The following HDC variants were observed in gnomAD, a reference collection of about 807,000 sequenced individuals.
HDC encodes the protein histidine decarboxylase.
A neutral mutation model predicts 64.4 loss-of-function variants in HDC; 27 were observed. That is an observed-to-expected ratio of 0.42 (90% CI 0.31 to 0.58). The LOEUF (loss-of-function observed/expected upper bound fraction) is 0.58. Ranked by LOEUF, HDC falls within the 20% of genes least tolerant of loss-of-function variation. HDC has a pLI of 0.16. For missense variants in HDC, 711 were observed against 833.9 expected, an observed-to-expected ratio of 0.85 and a Z score of 1.81; for synonymous variants, 305 against 314.2, an observed-to-expected ratio of 0.97 and a Z score of 0.31.
intron 1 of HDC, 53 bp from the exon 2 acceptor site, chr15:50,263,460 AT>A: frequency 6.4e-7 from 1 of 1,552,068 alleles, no homozygotes; most frequent in Non-Finnish European, 8.9e-7. Context: ...GGCCTGACCG[AT>A]TTGTGCCCAT....
chr15:50,254,867 C>T (rs2045611185), intron 4 of HDC, among the ~76,000 whole-genome samples: 1 of 152,016 alleles, frequency 6.6e-6, no homozygotes, highest in African/African-American at 2.4e-5. Flanking sequence ...CATGTCCCTC[C>T]CCAACTTTCA....
intron 9 of HDC, among the ~76,000 whole-genome samples, chr15:50,250,951 A>G (rs567267806): frequency 1.3e-5 from 2 of 152,348 alleles, no homozygotes; most frequent in South Asian, 4.1e-4. Context: ...TCAAGTGATG[A>G]CGAAGCTATT....
chr15:50,244,122 G>A (rs556206812), intron 10 of HDC, among the ~76,000 whole-genome samples: 2 of 152,070 alleles, frequency 1.3e-5, no homozygotes, highest in East Asian at 3.9e-4. Context: ...TTTAACCCAG[G>A]ATTACTAACT....
chr15:50,248,332 G>C lies in HDC; in HGVS notation c.1053C>G (p.Ile351Met). 1 of 1,613,370 alleles carries C rather than the reference G, an allele frequency of 6.2e-7. No individual in the cohort carries two copies. Among genetic ancestry groups the C allele is most frequent in the Middle Eastern group, 1.7e-4 (1 of 6,060 alleles). ...GVATDFMHWQ[I>M]PLSRRFRSVK... ...CAGAGCGAAACCGTCGGCTCAGGGG[G>C]ATCTGCCAGTGCTAGAAACAAAGGA... The change falls in exon 10 of 12, where the codon ATC (isoleucine) becomes ATG (methionine). Residue 351 changes from isoleucine (I) to methionine (M), a missense_variant. By Grantham distance (10) the Ile-to-Met change is conservative. Transcript: ENST00000267845. The surrounding 1 kb of genome is among the most constrained non-coding windows in gnomAD (Gnocchi z 4.3).
intron 1 of HDC, 66 bp from the exon 2 acceptor site, chr15:50,263,473 C>T: frequency 6.7e-7 from 1 of 1,481,958 alleles, no homozygotes; most frequent in South Asian, 1.2e-5. Flanking sequence ...TGTGCCCATC[C>T]CTCTCAGGTC....
In HDC at chr15:50,248,447, G is replaced by GGC; in HGVS notation, c.1042-105_1042-104insGC. The stretch of plus-strand genomic sequence containing the variant: ...TTGCCTGCCCAGCCCTCCAGGGATG[G>GGC]ACGATGTCACCATGACTCTGGGAGC... On this transcript the variant is annotated intron_variant, in intron 9 of 11. Transcript: ENST00000267845. This position sits in a 1 kb window ranked among gnomAD's most constrained non-coding sequence, Gnocchi z 4.3. 1 of 781,518 alleles carries GGC rather than the reference G, an allele frequency of 1.3e-6. No homozygotes were observed. The highest frequency in any genetic ancestry group is 2.2e-6 in the Non-Finnish European group (1 of 451,914). The allele number at this position is 781,518 out of a possible 1,614,324, so 48.4% of individuals were successfully genotyped here. A position where few individuals can be genotyped will look rare whatever the true frequency, so the allele number is the denominator to read the frequency against.
At chr15:50,264,953 C>T (rs962501939) in intron 1 of HDC, among the ~76,000 whole-genome samples, 1 of 152,104 alleles carries the variant, frequency 6.6e-6, no homozygotes, top group African/African-American at 2.4e-5. Context: ...CTGACAGTGC[C>T]TTAGGAAAGC....
chr15:50,247,387 AATT>A (rs2045495770), intron 10 of HDC, among the ~76,000 whole-genome samples: 1 of 152,138 alleles, frequency 6.6e-6, no homozygotes, highest in Non-Finnish European at 1.5e-5. Flanking sequence ...TAAGCATAAT[AATT>A]ATTTTTTTTA....
intron 1 of HDC, among the ~76,000 whole-genome samples, chr15:50,265,342 G>A (rs2045753451): frequency 6.6e-6 from 1 of 152,112 alleles, no homozygotes; most frequent in African/African-American, 2.4e-5. Flanking sequence ...GGGAGGAAAA[G>A]CAAGGCACGG....
At chr15:50,254,100 T>C (rs1264337782) in intron 6 of HDC, 30 bp downstream of exon 6, 4 of 1,613,386 alleles carry the variant, frequency 2.5e-6, no homozygotes, top group Non-Finnish European at 3.4e-6. Context: ...AGTTCTATCA[T>C]TCTAAGCTTA....
In HDC at chr15:50,263,215, T is replaced by C; in HGVS notation, c.204+20A>G. 2 of 1,613,718 alleles carry C rather than the reference T, an allele frequency of 1.2e-6. No individual in the cohort carries two copies. Among genetic ancestry groups the C allele is most frequent in the Non-Finnish European group, 1.7e-6 (2 of 1,179,660 alleles). On this transcript the variant is annotated intron_variant, in intron 2 of 11. Transcript: ENST00000267845. Reference sequence around the variant, plus strand: ...TGTGCCCTGAAATCCAGAACTGCCCTTGTGGTCACTGTGTCTCACCCCAGG... The same window carrying C: ...TGTGCCCTGAAATCCAGAACTGCCCCTGTGGTCACTGTGTCTCACCCCAGG...
chr15:50,252,948 G>A (rs1487782893), intron 7 of HDC, 174 bp from the exon 8 acceptor site: 2 of 650,990 alleles, frequency 3.1e-6, no homozygotes, highest in African/African-American at 3.6e-5. Flanking sequence ...GGGGCTGAAG[G>A]AGGCATCATT....
chr15:50,249,369 G>T (rs888468999), intron 9 of HDC, among the ~76,000 whole-genome samples: 35 of 152,144 alleles, frequency 2.3e-4, no homozygotes, highest in Non-Finnish European at 1.2e-4. Context: ...AATTTCTGTT[G>T]ACTAAAAATA....
chr15:50,255,360 T>G (rs2045616438), intron 4 of HDC, among the ~76,000 whole-genome samples: 1 of 152,170 alleles, frequency 6.6e-6, no homozygotes, highest in Non-Finnish European at 1.5e-5. Flanking sequence ...CTTCTTGAAA[T>G]CTTCAAGTGA....
intron 10 of HDC, among the ~76,000 whole-genome samples, chr15:50,245,691 G>A (rs28758988): frequency 5.3e-5 from 8 of 151,938 alleles, no homozygotes; most frequent in African/African-American, 1.9e-4. Flanking sequence ...GCCCAGGAGC[G>A]TGAGAACAAC....
Position 50,265,633 on chromosome 15 carries a change from G to A in HDC, c.-10C>T. 1 of 1,613,810 alleles carries A rather than the reference G, an allele frequency of 6.2e-7. No individual in the cohort carries two copies. The highest frequency in any genetic ancestry group is 8.5e-7 in the Non-Finnish European group (1 of 1,179,736). On this transcript the variant is annotated 5_prime_UTR_variant, in exon 1 of 12. Transcript: ENST00000267845. ...CCTCAGGCTCCATCATCTCCCTTGG[G>A]CTCTGGCTCCTTCTCACAGATGGAC... is the stretch of plus-strand genomic sequence containing the variant.
chr15:50,255,110 T>G (rs1027273414), intron 4 of HDC, among the ~76,000 whole-genome samples: 16 of 152,180 alleles, frequency 1.1e-4, no homozygotes, highest in Non-Finnish European at 4.4e-5. Context: ...GCCCATTTAG[T>G]TGTCAATAGC....
chr15:50,258,323 C>T, intron 3 of HDC, 81 bp downstream of exon 3: 1 of 775,704 alleles, frequency 1.3e-6, no homozygotes, highest in Non-Finnish European at 2.3e-6. Flanking sequence ...TATTCAGAAA[C>T]CAAGACAAAA....
At chr15:50,243,744 G>A (rs533269671) in intron 10 of HDC, among the ~76,000 whole-genome samples, 1 of 152,310 alleles carries the variant, frequency 6.6e-6, no homozygotes, top group East Asian at 1.9e-4. Context: ...TGCTTCACTT[G>A]CCTCTCAAAC....
Sources: allele counts gnomAD v4.1 joint callset (sites outside exome capture counted in the v4.1 genomes callset), GRCh38; gene constraint gnomAD v4.1.1; non-coding constraint Gnocchi (gnomAD v3.1); transcripts MANE v1.5; gene names NCBI Gene and HGNC (gene_info 2026-07-23, HGNC 2026-07-21).